ZNF367: variants seen among roughly 807,000 people sequenced by gnomAD.
ZNF367 encodes the protein C2H2 zinc finger protein ZFF29.
In ZNF367, 11 loss-of-function variants were observed where a neutral mutation model predicts 31.8. The observed-to-expected ratio is 0.35, with a 90% confidence interval of 0.22 to 0.57. The LOEUF (loss-of-function observed/expected upper bound fraction) is 0.57, where lower values mean the gene tolerates loss of function less well. Ranked by LOEUF, ZNF367 falls within the 20% of genes least tolerant of loss-of-function variation. The pLI is 0.85. For missense variants in ZNF367, 353 were observed against 484.1 expected, an observed-to-expected ratio of 0.73 and a Z score of 2.54; for synonymous variants, 199 against 202.4, an observed-to-expected ratio of 0.98 and a Z score of 0.14.
chr9:96,396,441 AT>A (rs1475790840), intron 2 of ZNF367, among the ~76,000 whole-genome samples: 4 of 152,156 alleles, frequency 2.6e-5, no homozygotes, highest in African/African-American at 4.8e-5. Context: ...CTTTCCAGGG[AT>A]TTAACTTAAA....
rs774097859 is a variant in ZNF367 at position 96,388,253 on chromosome 9, G to A, written c.1037C>T (p.Ala346Val). ...ALIELANLTG[A>V]PLRQ ...GTGTCCAAGCTACTGTCGGAGTGGC[G>A]CCCCAGTCAGGTTGGCAAGCTCTAT... is the stretch of plus-strand genomic sequence containing the variant. The change falls in exon 5 of 5, where the codon GCG becomes GTG. Residue 346 changes from alanine (A) to valine (V), a missense_variant. Around this residue, in one of 5 missense-constraint regions of ZNF367, gnomAD observed 101 missense variants for 140.0 expected, o/e 0.72. Transcript: ENST00000375256. The A allele has an allele frequency of 4.3e-6, 7 of 1,611,024 alleles. No homozygotes were observed. Among genetic ancestry groups the A allele is most frequent in the Admixed American group, 1.7e-5 (1 of 59,818 alleles).
At chr9:96,399,163 C>G (rs1267521149) in intron 1 of ZNF367, among the ~76,000 whole-genome samples, 1 of 152,038 alleles carries the variant, frequency 6.6e-6, no homozygotes, top group African/African-American at 2.4e-5. Flanking sequence ...AGGAAGCATG[C>G]TCAGAAAAGA....
In ZNF367 at chr9:96,405,381, A is replaced by T. The variant is rs190214375; in HGVS notation, c.421-7067T>A. 2.4e-4 allele frequency among the ~76,000 whole-genome samples: 37 copies of T among 152,026 alleles called. No homozygotes were observed. The East Asian group carries it at 6.7e-3, about 28-fold the overall frequency. On this transcript the variant is annotated intron_variant, in intron 1 of 4. Transcript: ENST00000375256. ...ATTTAGGAAAATGCTAATTGAAACCACAATGAGATACTGCTTTGCACCAAC... is the reference window on the plus strand; with the variant it reads ...ATTTAGGAAAATGCTAATTGAAACCTCAATGAGATACTGCTTTGCACCAAC...
In ZNF367 at chr9:96,398,225, G is replaced by A; in HGVS notation, c.510C>T (p.Asn170=). 1 of 1,597,956 alleles carries A rather than the reference G, an allele frequency of 6.3e-7. No homozygotes were observed. The change falls in exon 2 of 5, where the codon AAC becomes AAT. Residue 170 remains asparagine, a synonymous_variant. Coordinates refer to ENST00000375256, the MANE Select transcript of ZNF367 (RefSeq NM_153695.4). Reference sequence around the variant, plus strand: ...CCCGTGGAAACACCCTATTACAGATGTTACAACGGATTCTGCTGGATGAAT... The same window carrying A: ...CCCGTGGAAACACCCTATTACAGATATTACAACGGATTCTGCTGGATGAAT... The part of the protein sequence containing the change: ...GEHSSSRIRC[N]ICNRVFPREK...
intron 3 of ZNF367, among the ~76,000 whole-genome samples, chr9:96,394,299 G>A (rs1347984655): frequency 3.3e-5 from 5 of 152,144 alleles, no homozygotes; most frequent in African/African-American, 1.2e-4. Context: ...AATTGAACTC[G>A]TGGAGATAGA....
At chr9:96,397,359 A>G (rs1391454845) in intron 2 of ZNF367, among the ~76,000 whole-genome samples, 1 of 152,156 alleles carries the variant, frequency 6.6e-6, no homozygotes, top group Non-Finnish European at 1.5e-5. Flanking sequence ...ATGCAAATAT[A>G]ATTTCCATAT....
At chr9:96,402,444 C>CTTTTT (rs1174997133) in intron 1 of ZNF367, among the ~76,000 whole-genome samples, 176 of 66,078 alleles carry the variant, frequency 2.7e-3, no homozygotes, top group African/African-American at 3.0e-3. Flanking sequence ...TTCTTTCTTT[C>CTTTTT]TTTTTTTTTT....
chr9:96,406,649 A>T (rs1831674132), intron 1 of ZNF367, among the ~76,000 whole-genome samples: 1 of 152,180 alleles, frequency 6.6e-6, no homozygotes, highest in South Asian at 2.1e-4. Flanking sequence ...ATAACTGAAG[A>T]AATATGTTTT....
chr9:96,417,173 C>A lies in ZNF367; in HGVS notation c.420+440G>T, dbSNP rs902141139. On this transcript the variant is annotated intron_variant, in intron 1 of 4. Coordinates refer to ENST00000375256, the MANE Select transcript of ZNF367 (RefSeq NM_153695.4). This position sits in a 1 kb window ranked among gnomAD's most constrained non-coding sequence, Gnocchi z 5.0. ...AAGTCCTTTCTTGCTCTTCGGCTGT[C>A]TCTGCAGGGCATCTTTTAACAGGGC... is the stretch of plus-strand genomic sequence containing the variant. 2.0e-5 allele frequency among the ~76,000 whole-genome samples: 3 copies of A among 152,202 alleles called. No homozygotes were observed. Among genetic ancestry groups the A allele is most frequent in the Admixed American group, 1.3e-4 (2 of 15,286 alleles).
intron 4 of ZNF367, among the ~76,000 whole-genome samples, chr9:96,389,041 G>A (rs559330191): frequency 1.3e-5 from 2 of 152,318 alleles, no homozygotes; most frequent in East Asian, 3.9e-4. Context: ...GCTCACGCCT[G>A]TAATCCTAGC....
intron 1 of ZNF367, chr9:96,407,137 T>A: frequency 5.9e-6 from 3 of 510,182 alleles, no homozygotes; most frequent in Non-Finnish European, 7.0e-6. Context: ...CTGGGCAACA[T>A]AGCAAGACCC....
chr9:96,407,558 T>G (rs938157207), intron 1 of ZNF367: 2 of 1,395,028 alleles, frequency 1.4e-6, no homozygotes, highest in Non-Finnish European at 2.0e-6. Context: ...GCCTATCTGC[T>G]GGACAGAGAG....
At chr9:96,395,702 T>C (rs570520187) in intron 2 of ZNF367, among the ~76,000 whole-genome samples, 1 of 152,292 alleles carries the variant, frequency 6.6e-6, no homozygotes, top group East Asian at 1.9e-4. Flanking sequence ...TCTTCCTATC[T>C]ACCTCCAAAT....
intron 1 of ZNF367, chr9:96,407,267 G>C (rs546720455): frequency 2.4e-4 from 343 of 1,408,074 alleles, no homozygotes; most frequent in Non-Finnish European, 3.2e-4. Flanking sequence ...GCTCCTGGCG[G>C]CTCTGCGGCC....
rs1831411007 is a variant in ZNF367 at position 96,386,582 on chromosome 9, A to G, written c.*1655T>C. On this transcript the variant is annotated 3_prime_UTR_variant, in exon 5 of 5. Coordinates refer to ENST00000375256, the MANE Select transcript of ZNF367 (RefSeq NM_153695.4). ...AAAAAATTCTTAGACCATTACAAAT[A>G]TAAATTCTCTTATTACAAAAAAATC... 6.6e-6 allele frequency: 1 copy of G among 151,728 alleles called. No individual in the cohort carries two copies. 9.4% of individuals were successfully genotyped at this position (151,728 alleles called of 1,614,324 possible).
In ZNF367 at chr9:96,388,199, G is replaced by A; in HGVS notation, c.*38C>T. 6.4e-7 allele frequency: 1 copy of A among 1,566,904 alleles called. No individual in the cohort carries two copies. Among genetic ancestry groups the A allele is most frequent in the Non-Finnish European group, 8.7e-7 (1 of 1,154,272 alleles). On this transcript the variant is annotated 3_prime_UTR_variant, in exon 5 of 5. Transcript: ENST00000375256. ...AAGGATCTACTTTTTAAGTATGCTG[G>A]GCAGTACTTTTGTACAGTGGAAGAG... is the stretch of plus-strand genomic sequence containing the variant.
intron 3 of ZNF367, among the ~76,000 whole-genome samples, chr9:96,393,295 G>A (rs527674507): frequency 2.0e-4 from 30 of 152,010 alleles, no homozygotes; most frequent in African/African-American, 2.2e-4. Context: ...AGGCCGAGGC[G>A]GGTGGATCAC....
chr9:96,412,888 G>C (rs1831769022), intron 1 of ZNF367, among the ~76,000 whole-genome samples: 1 of 151,824 alleles, frequency 6.6e-6, no homozygotes, highest in African/African-American at 2.4e-5. Context: ...AGTAGAGACA[G>C]GGTTTCACCA....
chr9:96,399,998 T>C (rs1173491431), intron 1 of ZNF367, among the ~76,000 whole-genome samples: 1 of 152,174 alleles, frequency 6.6e-6, no homozygotes, highest in East Asian at 1.9e-4. Flanking sequence ...CGGAGTCACA[T>C]TATAATATTC....
Sources: gnomAD v4.1 joint callset for allele counts (sites outside exome capture counted in the v4.1 genomes callset) on GRCh38, gnomAD v4.1.1 for gene constraint, gnomAD v4.1.1 regional missense constraint, Gnocchi (gnomAD v3.1) non-coding constraint, MANE v1.5 for transcripts, NCBI Gene and HGNC (gene_info 2026-07-23, HGNC 2026-07-21) for gene names.